PRKN: variants seen among roughly 807,000 people sequenced by gnomAD.
PRKN encodes the protein parkin RBR E3 ubiquitin protein ligase.
A neutral mutation model predicts 59.5 loss-of-function variants in PRKN; 56 were observed. The ratio of observed to expected loss-of-function variants is 0.94; its 90% CI spans 0.76 to 1.18. The LOEUF is 1.18. Among genes scored for constraint, PRKN ranks in the 50% most tolerant of loss-of-function variants. PRKN has a pLI of 0.00. For synonymous variants in PRKN, 250 were observed against 222.1 expected (o/e 1.13, Z -1.12); for missense variants, 657 against 596.4 (o/e 1.10, Z -1.06).
intron 5 of PRKN, among the ~76,000 whole-genome samples, chr6:161,994,688 A>G (rs1781775192): frequency 1.3e-5 from 2 of 152,140 alleles, no homozygotes; most frequent in Admixed American, 6.5e-5. Flanking sequence ...AATTGAAAAA[A>G]AAATAAAGAA....
At chr6:161,932,815 T>C (rs537452239) in intron 6 of PRKN, among the ~76,000 whole-genome samples, 1 of 152,178 alleles carries the variant, frequency 6.6e-6, no homozygotes, top group East Asian at 1.9e-4. Context: ...AAGAAAAACA[T>C]ATTTATGCTT....
intron 4 of PRKN, among the ~76,000 whole-genome samples, chr6:162,128,529 A>G (rs77182403): frequency 1.3e-3 from 192 of 152,290 alleles, no homozygotes; most frequent in African/African-American, 4.5e-3. Context: ...CGACTGTACA[A>G]TCTCACACCT....
At chr6:161,824,871 T>C (rs1356223322) in intron 6 of PRKN, among the ~76,000 whole-genome samples, 4 of 152,218 alleles carry the variant, frequency 2.6e-5, no homozygotes, top group African/African-American at 4.8e-5. Context: ...AAAGGACATA[T>C]TGAAGACATA....
chr6:162,417,945 G>T (rs908619827), intron 2 of PRKN, among the ~76,000 whole-genome samples: 3 of 152,174 alleles, frequency 2.0e-5, no homozygotes, highest in African/African-American at 7.2e-5. Context: ...TTGGAAAACA[G>T]CCTGAGGGTT....
At chr6:162,186,047 C>T (rs1784015838) in intron 4 of PRKN, among the ~76,000 whole-genome samples, 1 of 151,822 alleles carries the variant, frequency 6.6e-6, no homozygotes, top group African/African-American at 2.4e-5. Context: ...CTCTGTGAAC[C>T]TTGTATAGTT....
rs914005366 is a variant in PRKN, at chr6:161,503,612, C to T, written c.1083+45242G>A. ...GGACTGAGGGGGCTATGGGGGCGAC[C>T]TAGTCTAGCTGGGTTCTAAGGCAGT... is the stretch of plus-strand genomic sequence containing the variant. On this transcript the variant is annotated intron_variant, in intron 9 of 11. Transcript: ENST00000366898. This position sits in a 1 kb window ranked among gnomAD's most constrained non-coding sequence, Gnocchi z 5.1. Among the ~76,000 whole-genome samples the T allele has an allele frequency of 1.3e-5, 2 of 152,158 alleles. No homozygotes were observed. Among genetic ancestry groups the T allele is most frequent in the African/African-American group, 4.8e-5 (2 of 41,430 alleles).
chr6:162,262,641 G>T lies in PRKN; in HGVS notation c.296C>A (p.Pro99His), dbSNP rs1443653639. The T allele has an allele frequency of 1.9e-6, 3 of 1,613,770 alleles. No homozygotes were observed. The highest frequency in any genetic ancestry group is 2.5e-6 in the Non-Finnish European group (3 of 1,179,980). The change falls in exon 3 of 12, where the codon CCC becomes CAC. Residue 99 changes from proline to histidine, a missense_variant. Physicochemically the swap from Pro to His is moderately conservative, Grantham distance 77. Transcript: ENST00000366898. ...GAGGTCCACCCGAGTCAAGCTCTGG[G>T]GCTCCCGCTCACAGCCTCCCGCCGC... ...RNAAGGCERE[P>H]QSLTRVDLSS...
chr6:162,142,843 T>C (rs74454071), intron 4 of PRKN, among the ~76,000 whole-genome samples: 9,453 of 152,236 alleles, frequency 0.062, 370 homozygotes, highest in Middle Eastern at 0.13. Flanking sequence ...AGATGGGAAA[T>C]TGGAAACAGG....
chr6:162,006,440 T>C (rs1362833563), intron 5 of PRKN, among the ~76,000 whole-genome samples: 2 of 152,178 alleles, frequency 1.3e-5, no homozygotes, highest in African/African-American at 2.4e-5. Context: ...CATTCAACAC[T>C]GTAAACCAGA....
chr6:161,893,424 C>T (rs1202982959), intron 6 of PRKN, among the ~76,000 whole-genome samples: 2 of 152,094 alleles, frequency 1.3e-5, no homozygotes, highest in Admixed American at 1.3e-4. Context: ...ACAAAGTATC[C>T]TATAGATGCC....
At chr6:161,472,788 C>T (rs1790857687) in intron 9 of PRKN, among the ~76,000 whole-genome samples, 1 of 152,020 alleles carries the variant, frequency 6.6e-6, no homozygotes, top group South Asian at 2.1e-4. Context: ...AAAATAAATG[C>T]CTACAACTCA....
At chr6:162,298,903 G>A (rs1378399237) in intron 2 of PRKN, among the ~76,000 whole-genome samples, 1 of 152,142 alleles carries the variant, frequency 6.6e-6, no homozygotes, top group African/African-American at 2.4e-5. Context: ...GTGCCCTGAG[G>A]GCCTTGATGT....
At position 161,912,454 on chromosome 6, in the gene PRKN, C is replaced by T. The variant is rs543085554; in HGVS notation, c.734+60848G>A. Among the ~76,000 whole-genome samples the T allele has an allele frequency of 2.0e-5, 3 of 150,344 alleles. No individual in the cohort carries two copies. In the South Asian group the frequency reaches 6.5e-4, roughly 32 times the overall value. On this transcript the variant is annotated intron_variant, in intron 6 of 11. Coordinates refer to ENST00000366898, the MANE Select transcript of PRKN (RefSeq NM_004562.3). Reference sequence around the variant, plus strand: ...GAATCTGAGCTGGGCCTGTGACTGGCCTTCACCAAGAGAATGTGACGGACG... The same window carrying T: ...GAATCTGAGCTGGGCCTGTGACTGGTCTTCACCAAGAGAATGTGACGGACG...
At chr6:162,677,131 C>G (rs1158343542) in intron 1 of PRKN, among the ~76,000 whole-genome samples, 1 of 147,774 alleles carries the variant, frequency 6.8e-6, no homozygotes, top group Non-Finnish European at 1.5e-5. Context: ...AAAAAAAACA[C>G]TGGAGAACTT....
intron 1 of PRKN, among the ~76,000 whole-genome samples, chr6:162,557,070 C>T (rs1275429286): frequency 6.6e-6 from 1 of 152,238 alleles, no homozygotes; most frequent in East Asian, 1.9e-4. Flanking sequence ...ACTACCCATA[C>T]TCAGGAAACC....
At chr6:162,180,415 A>T (rs2023077) in intron 4 of PRKN, among the ~76,000 whole-genome samples, 144,568 of 152,236 alleles carry the variant, frequency 0.95, 68,999 homozygotes, top group Non-Finnish European at 0.98. Flanking sequence ...CAGAAATATG[A>T]ACACCTCCTA....
rs1465657979 is a variant in PRKN at position 161,457,035 on chromosome 6, G to C, written c.1084-70158C>G. Among the ~76,000 whole-genome samples the C allele has an allele frequency of 6.6e-6, 1 of 152,196 alleles. No homozygotes were observed. The highest frequency in any genetic ancestry group is 1.5e-5 in the Non-Finnish European group (1 of 68,050). On this transcript the variant is annotated intron_variant, in intron 9 of 11. Coordinates refer to ENST00000366898, the MANE Select transcript of PRKN (RefSeq NM_004562.3). The surrounding 1 kb of genome is among the most constrained non-coding windows in gnomAD (Gnocchi z 5.0). The stretch of plus-strand genomic sequence containing the variant: ...GTTTGGGCGTGGAAGGGCGGTGTGA[G>C]AGCAAGGCTGAATAGTCCAACTTCC...
chr6:161,464,319 T>A (rs1230775989), intron 9 of PRKN, among the ~76,000 whole-genome samples: 2 of 152,212 alleles, frequency 1.3e-5, no homozygotes, highest in East Asian at 1.9e-4. Flanking sequence ...CAGCTGGTAC[T>A]TTCTCAAGCC....
rs1167096818 is a variant in PRKN at position 161,399,012 on chromosome 6, T to C, written c.1084-12135A>G. Among the ~76,000 whole-genome samples, 1 of 152,126 alleles carries C rather than the reference T, an allele frequency of 6.6e-6. No individual in the cohort carries two copies. The highest frequency in any genetic ancestry group is 2.4e-5 in the African/African-American group (1 of 41,426). Reference sequence around the variant, plus strand: ...CTGTCATGCCCCCCTATCCTGTCCCTATATAAACTCCAAACCCCAGGCTCC... The same window carrying C: ...CTGTCATGCCCCCCTATCCTGTCCCCATATAAACTCCAAACCCCAGGCTCC... On this transcript the variant is annotated intron_variant, in intron 9 of 11. Transcript: ENST00000366898. The surrounding 1 kb of genome is among the most constrained non-coding windows in gnomAD (Gnocchi z 4.4).
Sources: gnomAD v4.1 joint callset for allele counts (sites outside exome capture counted in the v4.1 genomes callset) on GRCh38, gnomAD v4.1.1 for gene constraint, Gnocchi (gnomAD v3.1) non-coding constraint, MANE v1.5 for transcripts, NCBI Gene and HGNC (gene_info 2026-07-23, HGNC 2026-07-21) for gene names.